The following ADK variants were observed in gnomAD, a reference collection of about 807,000 sequenced individuals.
ADK encodes N6,N6-dimethyladenosine kinase.
A neutral mutation model predicts 44.7 loss-of-function variants in ADK; 24 were observed. The observed-to-expected ratio is 0.54, with a 90% CI of 0.39 to 0.76. The LOEUF (loss-of-function observed/expected upper bound fraction) is 0.76, where lower values mean the gene tolerates loss of function less well. Among genes scored for constraint, ADK ranks in the 30% least tolerant of loss-of-function variants. The pLI is 0.00. For missense variants in ADK, 321 were observed against 425.1 expected, an observed-to-expected ratio of 0.76 and a Z score of 2.15; for synonymous variants, 128 against 142.6, an observed-to-expected ratio of 0.90 and a Z score of 0.73.
Position 74,593,476 on chromosome 10 carries a change from A to C in ADK, c.762+4159A>C, listed in dbSNP as rs920665560. Among the ~76,000 whole-genome samples, 17 of 92,090 alleles carry C rather than the reference A, an allele frequency of 1.8e-4. No homozygotes were observed. In the East Asian group the frequency reaches 6.5e-3, roughly 35 times the overall value. The allele number at this position is 92,090 out of a possible 152,430, so 60.4% of individuals were successfully genotyped here. On this transcript the variant is annotated intron_variant, in intron 8 of 10. Transcript: ENST00000539909. ...AAAAATATGAATATCTAGCAATGAC[A>C]AAAAAAAAGCGACACAAACAGCAAA...
chr10:74,363,925 C>T (rs141981558), intron 4 of ADK, among the ~76,000 whole-genome samples: 1 of 152,092 alleles, frequency 6.6e-6, no homozygotes, highest in African/African-American at 2.4e-5. Context: ...GCATCCCCTA[C>T]TGCAGCAGGA....
chr10:74,659,044 A>C (rs558697347), intron 9 of ADK, among the ~76,000 whole-genome samples: 1 of 151,924 alleles, frequency 6.6e-6, no homozygotes, highest in African/African-American at 2.4e-5. Context: ...AGGGAGGCCC[A>C]TCTCTATAAA....
At chr10:74,254,989 A>G (rs1845776257) in intron 3 of ADK, among the ~76,000 whole-genome samples, 1 of 152,192 alleles carries the variant, frequency 6.6e-6, no homozygotes, top group South Asian at 2.1e-4. Context: ...GTCAAAGTGA[A>G]CATCAGATAT....
chr10:74,317,261 G>A (rs573201188), intron 4 of ADK, among the ~76,000 whole-genome samples: 2 of 152,292 alleles, frequency 1.3e-5, no homozygotes, highest in African/African-American at 4.8e-5. Context: ...CCTAATGAAA[G>A]TGAAAAGTTC....
chr10:74,514,399 T>C (rs938425981), intron 6 of ADK, among the ~76,000 whole-genome samples: 11 of 152,282 alleles, frequency 7.2e-5, no homozygotes, highest in African/African-American at 2.6e-4. Flanking sequence ...CTTCTGGAGA[T>C]ATTTATTTGC....
At chr10:74,200,677 T>C in intron 1 of ADK, 87 bp from the exon 2 acceptor site, 1 of 876,602 alleles carries the variant, frequency 1.1e-6, no homozygotes, top group South Asian at 1.4e-5. Flanking sequence ...CAGGTTGAAA[T>C]GAAGATAGTT....
intron 3 of ADK, among the ~76,000 whole-genome samples, chr10:74,287,330 G>A (rs1485424269): frequency 6.6e-6 from 1 of 152,050 alleles, no homozygotes; most frequent in Non-Finnish European, 1.5e-5. Flanking sequence ...GGGGCGTGGT[G>A]GTGCACGCCT....
intron 3 of ADK, among the ~76,000 whole-genome samples, chr10:74,310,208 A>G (rs1425881775): frequency 6.6e-6 from 1 of 152,182 alleles, no homozygotes; most frequent in Non-Finnish European, 1.5e-5. Context: ...ATAAATTACT[A>G]AAATTCCCAT....
At chr10:74,454,362 G>A (rs2133202102) in intron 6 of ADK, among the ~76,000 whole-genome samples, 1 of 152,004 alleles carries the variant, frequency 6.6e-6, no homozygotes, top group South Asian at 2.1e-4. Context: ...ACTCATTTAT[G>A]CAAAAAATAT....
chr10:74,180,577 G>T (rs1313348831), intron 1 of ADK, among the ~76,000 whole-genome samples: 5 of 150,758 alleles, frequency 3.3e-5, no homozygotes, highest in Non-Finnish European at 5.9e-5. Context: ...TCCTGCCTCA[G>T]CCTCTCTAGT....
intron 6 of ADK, among the ~76,000 whole-genome samples, chr10:74,497,999 C>T (rs1847751803): frequency 1.3e-5 from 2 of 152,082 alleles, no homozygotes; most frequent in Admixed American, 6.5e-5. Flanking sequence ...ATGCCATTCT[C>T]CTGCCTCAGC....
intron 6 of ADK, among the ~76,000 whole-genome samples, chr10:74,495,952 T>G (rs766002673): frequency 9.9e-5 from 15 of 152,218 alleles, no homozygotes; most frequent in Admixed American, 3.9e-4. Context: ...GCTAATCTAA[T>G]TACCTTTTCT....
chr10:74,302,105 GTTTGTTTTTTTTTTTTTTTT>G (rs1840066945), intron 3 of ADK, among the ~76,000 whole-genome samples: 1 of 88,932 alleles, frequency 1.1e-5, no homozygotes. Context: ...TTTTTTGTTT[GTTTGTTTTTTTTTTTTTTTT>G]TTTTTTTTTT....
intron 2 of ADK, among the ~76,000 whole-genome samples, chr10:74,219,869 A>C (rs981119056): frequency 4.0e-5 from 6 of 151,644 alleles, no homozygotes; most frequent in African/African-American, 1.5e-4. Flanking sequence ...CATTCAAAAT[A>C]GTGTGTAGAG....
Position 74,232,778 on chromosome 10 carries a change from G to A in ADK, c.194+8187G>A, listed in dbSNP as rs528153699. On this transcript the variant is annotated intron_variant, in intron 3 of 10. Transcript: ENST00000539909. ...GTAGCTGGGACTATAGGCGCACGCC[G>A]CCACACCCGGCTGATTTTTCTATTT... Among the ~76,000 whole-genome samples the A allele has an allele frequency of 5.9e-5, 9 of 152,094 alleles. 1 individual carries two copies. Among genetic ancestry groups the A allele is most frequent in the African/African-American group, 1.4e-4 (6 of 41,516 alleles).
intron 9 of ADK, among the ~76,000 whole-genome samples, chr10:74,613,735 T>C (rs982452324): frequency 2.0e-5 from 3 of 152,046 alleles, no homozygotes; most frequent in Non-Finnish European, 2.9e-5. Context: ...GTTCAGAAAA[T>C]GTGCGTTAGA....
intron 3 of ADK, among the ~76,000 whole-genome samples, chr10:74,234,731 T>C (rs190875490): frequency 6.6e-6 from 1 of 152,160 alleles, no homozygotes; most frequent in Non-Finnish European, 1.5e-5. Context: ...TTGAAGTTCA[T>C]GTATTATAAC....
chr10:74,671,956 A>G (rs1246606924), intron 10 of ADK, among the ~76,000 whole-genome samples: 2 of 152,194 alleles, frequency 1.3e-5, no homozygotes, highest in Admixed American at 1.3e-4. Context: ...TACCGATACT[A>G]GGTGAGAACA....
chr10:74,237,530 A>G (rs1192810443), intron 3 of ADK, among the ~76,000 whole-genome samples: 1 of 152,186 alleles, frequency 6.6e-6, no homozygotes, highest in African/African-American at 2.4e-5. Flanking sequence ...CCTCCCATGA[A>G]TCACGAATGT....
Sources: gnomAD v4.1 joint callset for allele counts (sites outside exome capture counted in the v4.1 genomes callset) on GRCh38, gnomAD v4.1.1 for gene constraint, MANE v1.5 for transcripts, NCBI Gene and HGNC (gene_info 2026-07-23, HGNC 2026-07-21) for gene names.